Variants in MAPK14 observed in about 807,000 individuals in gnomAD.
The protein encoded by MAPK14 is mitogen-activated protein kinase 14, also known as CSAID-binding protein.
Under a neutral mutation model 49.6 loss-of-function variants are expected in MAPK14, and 16 were observed. The observed-to-expected ratio is 0.32, with a 90% confidence interval of 0.22 to 0.49. The LOEUF is 0.49. Among genes scored for constraint, MAPK14 ranks in the 20% least tolerant of loss-of-function variants. The pLI, the probability that MAPK14 is intolerant of heterozygous loss-of-function variation, is 0.99. For missense variants in MAPK14, 200 were observed against 441.2 expected (o/e 0.45, Z 4.90); for synonymous variants, 142 against 158.0 (o/e 0.90, Z 0.76).
intron 5 of MAPK14, 108 bp from the exon 6 acceptor site, chr6:36,073,941 G>C: frequency 3.2e-6 from 3 of 951,934 alleles, no homozygotes; most frequent in Non-Finnish European, 5.0e-6. Flanking sequence ...ATTGTCTTTT[G>C]ATAGCTGGAT....
chr6:36,100,062 G>A, intron 9 of MAPK14: 1 of 669,176 alleles, frequency 1.5e-6, no homozygotes, highest in East Asian at 2.7e-5. Context: ...GGGCTCTCGG[G>A]TAGGGGGAAT....
rs138505546 is a variant in MAPK14 at position 36,034,468 on chromosome 6, C to T, written c.116+6195C>T. 5.5e-3 allele frequency among the ~76,000 whole-genome samples: 830 copies of T among 152,190 alleles called. 6 individuals carry two copies. Among genetic ancestry groups the T allele is most frequent in the Non-Finnish European group, 8.1e-3 (550 of 67,992 alleles). ...AAATACATTAGATTTTTGCTTTTTG[C>T]AGTAAAATTTGGGGTAAAACTGATT... is the stretch of plus-strand genomic sequence containing the variant. On this transcript the variant is annotated intron_variant, in intron 1 of 11. Transcript: ENST00000229794.
chr6:36,108,225 G>A (rs1482042606), intron 11 of MAPK14, among the ~76,000 whole-genome samples, 155 bp from the exon 12 acceptor site: 1 of 152,198 alleles, frequency 6.6e-6, no homozygotes, highest in Admixed American at 6.5e-5. Context: ...GTGTGATAAC[G>A]TGTTCCAGTA....
At chr6:36,058,521 G>A (rs887051357) in intron 2 of MAPK14, among the ~76,000 whole-genome samples, 1 of 152,220 alleles carries the variant, frequency 6.6e-6, no homozygotes, top group African/African-American at 2.4e-5. Flanking sequence ...CATAATTTGG[G>A]TAGAAAATTA....
At chr6:36,061,695 A>G (rs1203630376) in intron 3 of MAPK14, among the ~76,000 whole-genome samples, 1 of 152,202 alleles carries the variant, frequency 6.6e-6, no homozygotes, top group Non-Finnish European at 1.5e-5. Context: ...CCTTTTGATG[A>G]AAGTGTCTGG....
At position 36,108,824 on chromosome 6, in the gene MAPK14, T is replaced by C. The variant is rs1765880572; in HGVS notation, c.*377T>C. ...AATCCCGGTCATGCTTTTGCCACTT[T>C]GGCTTCTCCTGTGACCCCACCTTGA... is the stretch of plus-strand genomic sequence containing the variant. On this transcript the variant is annotated 3_prime_UTR_variant, in exon 12 of 12. Coordinates refer to ENST00000229794, the MANE Select transcript of MAPK14 (RefSeq NM_139012.3). 4.2e-6 allele frequency: 1 copy of C among 235,344 alleles called. No individual in the cohort carries two copies. The highest frequency in any genetic ancestry group is 5.1e-5 in the South Asian group (1 of 19,468). 14.6% of individuals were successfully genotyped at this position (235,344 alleles called of 1,614,324 possible).
In MAPK14 at chr6:36,108,594, GTGTGTGTGCA is replaced by G. The variant is rs1313367834; in HGVS notation, c.*156_*165del. ...TGTGCGTGCGTGTGCGTGCGTGTTA[GTGTGTGTGCA>G]TGTGTGTGTCTGTCTTTGTGGGAGG... On this transcript the variant is annotated 3_prime_UTR_variant, in exon 12 of 12. Coordinates refer to ENST00000229794, the MANE Select transcript of MAPK14 (RefSeq NM_139012.3). 7.5e-6 allele frequency: 5 copies of G among 670,002 alleles called. No individual in the cohort carries two copies. In the Admixed American group the frequency reaches 1.1e-4, roughly 14 times the overall value. The allele number at this position is 670,002 out of a possible 1,614,324, so 41.5% of individuals were successfully genotyped here. A position where few individuals can be genotyped will look rare whatever the true frequency, so the allele number is the denominator to read the frequency against.
At chr6:36,098,686 G>A (rs916514080) in intron 9 of MAPK14, among the ~76,000 whole-genome samples, 1 of 152,174 alleles carries the variant, frequency 6.6e-6, no homozygotes, top group African/African-American at 2.4e-5. Flanking sequence ...GACAGAAAAT[G>A]TGCAGGCCAG....
intron 1 of MAPK14, among the ~76,000 whole-genome samples, chr6:36,044,385 G>A (rs147069188): frequency 6.6e-6 from 1 of 152,176 alleles, no homozygotes; most frequent in African/African-American, 2.4e-5. Context: ...TCATGGTGCA[G>A]TCGTTTGTAC....
At chr6:36,036,513 A>G (rs1054904586) in intron 1 of MAPK14, among the ~76,000 whole-genome samples, 1 of 151,710 alleles carries the variant, frequency 6.6e-6, no homozygotes, top group Admixed American at 6.6e-5. Flanking sequence ...AGAGAAATCT[A>G]TCACGAAAGG....
chr6:36,029,269 AC>A (rs1762441340), intron 1 of MAPK14: 1 of 152,196 alleles, frequency 6.6e-6, no homozygotes, highest in Non-Finnish European at 1.5e-5. Context: ...CCTGAGGTAC[AC>A]GATGGTTTTC....
rs1765917708 is a variant in MAPK14 at position 36,110,028 on chromosome 6, T to C, written c.*1581T>C. 6.6e-6 allele frequency: 1 copy of C among 152,398 alleles called. No individual in the cohort carries two copies. The highest frequency in any genetic ancestry group is 2.4e-5 in the African/African-American group (1 of 41,454). 9.4% of individuals were successfully genotyped at this position (152,398 alleles called of 1,614,324 possible). ...AAGGGCAAATTATTTTAATATTTTGTATTTTCAACTTTATAAAGATAAAAT... is the reference window on the plus strand; with the variant it reads ...AAGGGCAAATTATTTTAATATTTTGCATTTTCAACTTTATAAAGATAAAAT... On this transcript the variant is annotated 3_prime_UTR_variant, in exon 12 of 12. Coordinates refer to ENST00000229794, the MANE Select transcript of MAPK14 (RefSeq NM_139012.3).
intron 8 of MAPK14, among the ~76,000 whole-genome samples, chr6:36,090,326 C>G (rs1236997592): frequency 6.6e-6 from 1 of 151,622 alleles, no homozygotes; most frequent in African/African-American, 2.4e-5. Context: ...TTCAAATACT[C>G]TTTCTTTTTT....
At chr6:36,039,525 A>AT (rs1277394440) in intron 1 of MAPK14, among the ~76,000 whole-genome samples, 3 of 152,098 alleles carry the variant, frequency 2.0e-5, no homozygotes, top group African/African-American at 7.2e-5. Flanking sequence ...AAAAGTGTGT[A>AT]TTGATTGCAT....
At chr6:36,045,397 C>T (rs552279794) in intron 1 of MAPK14, among the ~76,000 whole-genome samples, 4 of 152,228 alleles carry the variant, frequency 2.6e-5, no homozygotes, top group African/African-American at 9.6e-5. Flanking sequence ...TCCTGAGTAC[C>T]TGGTTGGTTT....
intron 9 of MAPK14, among the ~76,000 whole-genome samples, chr6:36,099,867 A>G (rs1765573389): frequency 6.6e-6 from 1 of 152,240 alleles, no homozygotes; most frequent in Admixed American, 6.5e-5. Context: ...CAGTACTTGA[A>G]AACAGTTCTA....
the MAPK14 span, among the ~76,000 whole-genome samples, chr6:36,119,486 T>G: frequency 6.6e-6 from 1 of 152,134 alleles, no homozygotes; most frequent in South Asian, 2.1e-4. Flanking sequence ...TCATTTGTAA[T>G]AGCAGGAAAA....
intron 6 of MAPK14, among the ~76,000 whole-genome samples, chr6:36,075,497 G>T (rs1764495232): frequency 6.6e-6 from 1 of 152,124 alleles, no homozygotes; most frequent in African/African-American, 2.4e-5. Flanking sequence ...GAACATAACA[G>T]AATTTTTAAA....
In MAPK14 at chr6:36,028,116, C is replaced by A; in HGVS notation, c.-42C>A. The A allele has an allele frequency of 1.5e-6, 2 of 1,367,642 alleles. No homozygotes were observed. The highest frequency in any genetic ancestry group is 2.5e-5 in the East Asian group (1 of 40,434). The allele number at this position is 1,367,642 out of a possible 1,614,324, so 84.7% of individuals were successfully genotyped here. On this transcript the variant is annotated 5_prime_UTR_variant, in exon 1 of 12. Coordinates refer to ENST00000229794, the MANE Select transcript of MAPK14 (RefSeq NM_139012.3). The surrounding 1 kb of genome is among the most constrained non-coding windows in gnomAD (Gnocchi z 5.1). The stretch of plus-strand genomic sequence containing the variant: ...GAGAGGGTGCGGGTGCAGGCGGGGG[C>A]CCCACAGGGCCACCTTCTTGCCCGG...
Sources: gnomAD v4.1 joint callset for allele counts (sites outside exome capture counted in the v4.1 genomes callset) on GRCh38, gnomAD v4.1.1 for gene constraint, Gnocchi (gnomAD v3.1) non-coding constraint, MANE v1.5 for transcripts, NCBI Gene and HGNC (gene_info 2026-07-23, HGNC 2026-07-21) for gene names.